NRG3: variants seen among roughly 807,000 people sequenced by gnomAD.
The protein encoded by NRG3 is neuregulin 3.
Under a neutral mutation model 66.9 loss-of-function variants are expected in NRG3, and 31 were observed. The ratio of observed to expected loss-of-function variants is 0.46; its 90% CI spans 0.35 to 0.63. NRG3 has a LOEUF of 0.63. NRG3 is among the 20% of genes least tolerant of loss of function. The pLI, the probability that NRG3 is intolerant of heterozygous loss-of-function variation, is 0.00. For synonymous variants in NRG3, 393 were observed against 359.4 expected, an observed-to-expected ratio of 1.09 and a Z score of -1.06; for missense variants, 910 against 878.9, an observed-to-expected ratio of 1.04 and a Z score of -0.45.
intron 1 of NRG3, among the ~76,000 whole-genome samples, chr10:81,933,316 C>G (rs1378392155): frequency 6.6e-6 from 1 of 151,960 alleles, no homozygotes; most frequent in South Asian, 2.1e-4. Flanking sequence ...CCCACAGCAG[C>G]TCTGCAAGAT....
intron 2 of NRG3, among the ~76,000 whole-genome samples, chr10:82,525,447 T>C (rs1340122715): frequency 6.6e-6 from 1 of 151,858 alleles, no homozygotes; most frequent in Non-Finnish European, 1.5e-5. Flanking sequence ...AAAAATCAGC[T>C]TTCGTATTCA....
At chr10:82,762,264 A>G (rs1234930427) in intron 3 of NRG3, among the ~76,000 whole-genome samples, 1 of 152,094 alleles carries the variant, frequency 6.6e-6, no homozygotes, top group South Asian at 2.1e-4. Context: ...CTGGGATTAC[A>G]GGCATGAGCC....
intron 2 of NRG3, among the ~76,000 whole-genome samples, chr10:82,522,636 C>A (rs748874031): frequency 5.7e-4 from 87 of 151,310 alleles, no homozygotes; most frequent in Middle Eastern, 3.4e-3. Context: ...TGCCACAAAC[C>A]GTCAATTTGT....
chr10:82,547,730 A>G (rs931347969), intron 2 of NRG3, among the ~76,000 whole-genome samples: 1 of 152,078 alleles, frequency 6.6e-6, no homozygotes, highest in Non-Finnish European at 1.5e-5. Context: ...CAAGTCTAGA[A>G]TAGACTCCAG....
At chr10:82,233,338 C>G (rs1332350661) in intron 1 of NRG3, among the ~76,000 whole-genome samples, 1 of 152,160 alleles carries the variant, frequency 6.6e-6, no homozygotes, top group Admixed American at 6.5e-5. Flanking sequence ...GCACTCCAGC[C>G]TGGGCGACAG....
rs541288363 is a variant in NRG3, at chr10:82,783,516, A to G, written c.1027+44866A>G. ...TAAGCAACTTCAGCAAAGTCTCAGG[A>G]TACAAAATCAATGTACAAAAATCAC... On this transcript the variant is annotated intron_variant, in intron 3 of 8. Coordinates refer to ENST00000372141, the MANE Select transcript of NRG3 (RefSeq NM_001010848.4). Among the ~76,000 whole-genome samples the G allele has an allele frequency of 2.3e-3, 354 of 152,122 alleles. 2 individuals carry two copies. Among genetic ancestry groups the G allele is most frequent in the African/African-American group, 8.2e-3 (342 of 41,492 alleles).
intron 1 of NRG3, among the ~76,000 whole-genome samples, chr10:82,182,327 G>T (rs1191891606): frequency 6.6e-6 from 1 of 151,288 alleles, no homozygotes; most frequent in Non-Finnish European, 1.5e-5. Context: ...GGTCCTCTTT[G>T]TCTCTTTTGA....
At chr10:82,741,056 G>A (rs773168366) in intron 3 of NRG3, among the ~76,000 whole-genome samples, 1 of 152,072 alleles carries the variant, frequency 6.6e-6, no homozygotes, top group South Asian at 2.1e-4. Context: ...CAAAATGCCA[G>A]AATCCTTGAA....
intron 4 of NRG3, among the ~76,000 whole-genome samples, chr10:82,929,198 C>T (rs980114454): frequency 2.0e-5 from 3 of 152,118 alleles, no homozygotes; most frequent in Non-Finnish European, 2.9e-5. Flanking sequence ...TTCTGCCAAC[C>T]CTGTAAGATG....
At chr10:82,696,204 G>C (rs555201327) in intron 2 of NRG3, among the ~76,000 whole-genome samples, 1 of 152,190 alleles carries the variant, frequency 6.6e-6, no homozygotes, top group African/African-American at 2.4e-5. Flanking sequence ...CTCCCAAGAA[G>C]GAAAACCAGG....
At chr10:82,367,771 A>G (rs1326817784) in intron 2 of NRG3, among the ~76,000 whole-genome samples, 1 of 152,138 alleles carries the variant, frequency 6.6e-6, no homozygotes, top group African/African-American at 2.4e-5. Context: ...AGGTGGGCAG[A>G]TCACATGACC....
intron 2 of NRG3, among the ~76,000 whole-genome samples, chr10:82,458,487 C>T (rs2091370707): frequency 6.6e-6 from 1 of 152,064 alleles, no homozygotes; most frequent in South Asian, 2.1e-4. Flanking sequence ...AGCATAAAGA[C>T]ACTGACAAAA....
chr10:82,706,425 A>T (rs2134342475), intron 2 of NRG3, among the ~76,000 whole-genome samples: 1 of 152,292 alleles, frequency 6.6e-6, no homozygotes, highest in Non-Finnish European at 1.5e-5. Context: ...AATAATATTT[A>T]CTTCAAATCT....
At chr10:81,904,601 C>A (rs921355771) in intron 1 of NRG3, among the ~76,000 whole-genome samples, 8 of 152,120 alleles carry the variant, frequency 5.3e-5, no homozygotes, top group African/African-American at 1.9e-4. Flanking sequence ...AAATAAGGAG[C>A]CTGTCCATGT....
intron 2 of NRG3, among the ~76,000 whole-genome samples, chr10:82,577,146 A>C (rs183578194): frequency 6.6e-6 from 1 of 151,978 alleles, no homozygotes; most frequent in Non-Finnish European, 1.5e-5. Flanking sequence ...AATGCAATAT[A>C]TAATTCCCAA....
chr10:82,306,546 C>CA (rs1034869069), intron 1 of NRG3, among the ~76,000 whole-genome samples: 138 of 150,688 alleles, frequency 9.2e-4, no homozygotes, highest in African/African-American at 2.8e-3. Flanking sequence ...ACTAAAAATA[C>CA]AAAAAAAATT....
intron 1 of NRG3, among the ~76,000 whole-genome samples, chr10:82,189,618 C>T (rs771745368): frequency 6.6e-6 from 1 of 152,004 alleles, no homozygotes; most frequent in South Asian, 2.1e-4. Flanking sequence ...GGTAAAGCCC[C>T]GTCTCTACTA....
At chr10:82,071,622 T>C (rs2064810850) in intron 1 of NRG3, among the ~76,000 whole-genome samples, 1 of 152,088 alleles carries the variant, frequency 6.6e-6, no homozygotes, top group Admixed American at 6.5e-5. Flanking sequence ...GAGAACCCCA[T>C]AGGCCATTGT....
At chr10:82,801,614 G>T (rs1189190241) in intron 3 of NRG3, among the ~76,000 whole-genome samples, 2 of 152,134 alleles carry the variant, frequency 1.3e-5, no homozygotes, top group Non-Finnish European at 2.9e-5. Flanking sequence ...ATCTTCAGCT[G>T]CCTTTTGCCA....
Sources: allele counts gnomAD v4.1 joint callset (sites outside exome capture counted in the v4.1 genomes callset), GRCh38; gene constraint gnomAD v4.1.1; transcripts MANE v1.5; gene names NCBI Gene and HGNC (gene_info 2026-07-23, HGNC 2026-07-21).